LPAR1: variants seen among roughly 807,000 people sequenced by gnomAD.
LPAR1 encodes LPA receptor 1.
Under a neutral mutation model 23.8 loss-of-function variants are expected in LPAR1, and 5 were observed. The observed-to-expected ratio is 0.21, with a 90% CI of 0.11 to 0.44. LPAR1 has a LOEUF of 0.44. Among genes scored for constraint, LPAR1 ranks in the 20% least tolerant of loss-of-function variants. LPAR1 has a pLI of 0.99. For missense variants in LPAR1, 311 were observed against 482.8 expected, an observed-to-expected ratio of 0.64 and a Z score of 3.33; for synonymous variants, 160 against 164.7, an observed-to-expected ratio of 0.97 and a Z score of 0.22.
chr9:110,902,044 G>T (rs2089319020), intron 5 of LPAR1, among the ~76,000 whole-genome samples: 1 of 152,048 alleles, frequency 6.6e-6, no homozygotes, highest in Middle Eastern at 3.4e-3. Flanking sequence ...AACTCCAAAA[G>T]GTGAAATGGT....
chr9:110,933,979 A>T (rs898886738), intron 5 of LPAR1, among the ~76,000 whole-genome samples: 2 of 152,194 alleles, frequency 1.3e-5, no homozygotes, highest in Admixed American at 1.3e-4. Context: ...CAAGCCCAGG[A>T]TGTGGGGTCT....
At chr9:111,005,057 A>C (rs2097189032) in intron 2 of LPAR1, among the ~76,000 whole-genome samples, 1 of 151,686 alleles carries the variant, frequency 6.6e-6, no homozygotes, top group Non-Finnish European at 1.5e-5. Context: ...AGGTACTCAA[A>C]AGGCTAAAGC....
chr9:110,963,459 C>G (rs1255846241), intron 4 of LPAR1, among the ~76,000 whole-genome samples: 1 of 152,110 alleles, frequency 6.6e-6, no homozygotes, highest in African/African-American at 2.4e-5. Flanking sequence ...TCCAACGTGG[C>G]CTTCCTTTGA....
chr9:110,970,318 T>C (rs1352371209), intron 4 of LPAR1, among the ~76,000 whole-genome samples: 1 of 152,120 alleles, frequency 6.6e-6, no homozygotes, highest in Non-Finnish European at 1.5e-5. Flanking sequence ...GACTTTGAAA[T>C]GGTGACCTCA....
At chr9:111,034,416 A>T (rs77260329) in intron 2 of LPAR1, among the ~76,000 whole-genome samples, 1 of 152,150 alleles carries the variant, frequency 6.6e-6, no homozygotes, top group African/African-American at 2.4e-5. Flanking sequence ...GGGAAAAAAA[A>T]TGTTTTCTTG....
chr9:110,893,235 T>C (rs1252570009), intron 5 of LPAR1, among the ~76,000 whole-genome samples: 1 of 152,344 alleles, frequency 6.6e-6, no homozygotes, highest in East Asian at 1.9e-4. Flanking sequence ...TACCTAACAA[T>C]TCCATTTTAG....
intron 4 of LPAR1, among the ~76,000 whole-genome samples, chr9:110,963,535 A>G (rs549083652): frequency 1.1e-3 from 161 of 152,300 alleles, no homozygotes; most frequent in African/African-American, 3.4e-3. Flanking sequence ...CCTGTAAAGA[A>G]CTTCCAGAAT....
Position 110,957,475 on chromosome 9 carries a change from C to T in LPAR1, c.45+14598G>A, listed in dbSNP as rs79899107. Among the ~76,000 whole-genome samples the T allele has an allele frequency of 8.9e-3, 1,355 of 151,876 alleles. 24 individuals carry two copies. The highest frequency in any genetic ancestry group is 0.031 in the African/African-American group (1,274 of 41,430). On this transcript the variant is annotated intron_variant, in intron 4 of 5. Coordinates refer to ENST00000683809, the MANE Select transcript of LPAR1 (RefSeq NM_001351411.2). ...AACACAATACATCATATTAACAGAACGAAGAATAAATACCATATGACCATC... is the reference window on the plus strand; with the variant it reads ...AACACAATACATCATATTAACAGAATGAAGAATAAATACCATATGACCATC...
intron 5 of LPAR1, among the ~76,000 whole-genome samples, chr9:110,924,247 A>AAC (rs2093845660): frequency 6.6e-6 from 1 of 151,626 alleles, no homozygotes; most frequent in Non-Finnish European, 1.5e-5. Flanking sequence ...GCAAAAAAAA[A>AAC]AAAGAAAACG....
rs146902452 is a variant in LPAR1, at chr9:110,938,118, C to A, written c.793+3303G>T. Among the ~76,000 whole-genome samples the A allele has an allele frequency of 2.0e-5, 3 of 152,272 alleles. No homozygotes were observed. In the East Asian group the frequency reaches 5.8e-4, roughly 29 times the overall value. The stretch of plus-strand genomic sequence containing the variant: ...GACTACCTACTTTGTACCAGATAGC[C>A]GTGACAGGCAATGTGGCAACGTGGA... On this transcript the variant is annotated intron_variant, in intron 5 of 5. Transcript: ENST00000683809.
At position 111,031,393 on chromosome 9, in the gene LPAR1, T is replaced by TAA. The variant is rs56906013; in HGVS notation, c.-182+4727_-182+4728dup. Among the ~76,000 whole-genome samples, 734 of 103,678 alleles carry TAA rather than the reference T, an allele frequency of 7.1e-3. 2 individuals carry two copies. Among genetic ancestry groups the TAA allele is most frequent in the African/African-American group, 0.023 (627 of 26,982 alleles). The allele number at this position is 103,678 out of a possible 152,430, so 68.0% of individuals were successfully genotyped here. A position where few individuals can be genotyped will look rare whatever the true frequency, so the allele number is the denominator to read the frequency against. On this transcript the variant is annotated intron_variant, in intron 2 of 5. Transcript: ENST00000683809. ...GTAATGTAGTGAGAGCCCATTTCTT[T>TAA]AAAAAAAAAAAAAGAAAAAAAAAAA...
intron 2 of LPAR1, among the ~76,000 whole-genome samples, chr9:111,009,936 GT>G (rs1205723213): frequency 6.9e-6 from 1 of 144,340 alleles, no homozygotes; most frequent in Non-Finnish European, 1.5e-5. Flanking sequence ...ATTCTCATTT[GT>G]TTTTGTTGTT....
intron 2 of LPAR1, among the ~76,000 whole-genome samples, chr9:110,981,396 G>C (rs2096663492): frequency 6.6e-6 from 1 of 151,996 alleles, no homozygotes; most frequent in African/African-American, 2.4e-5. Flanking sequence ...TATAATAATA[G>C]TAAGGCTGCC....
In LPAR1 at chr9:110,942,052, T is replaced by A; in HGVS notation, c.162A>T (p.Gly54=). The A allele has an allele frequency of 6.2e-7, 1 of 1,614,158 alleles. No homozygotes were observed. The highest frequency in any genetic ancestry group is 8.5e-7 in the Non-Finnish European group (1 of 1,180,014). Residue 54 remains glycine, a synonymous_variant, in exon 5 of 6, where the codon GGA becomes GGT. Coordinates refer to ENST00000683809, the MANE Select transcript of LPAR1 (RefSeq NM_001351411.2). ...EWNTVSKLVM[G]LGITVCIFIM... ...TGAAGATACAAACAGTGATTCCAAG[T>A]CCCATCACCAGCTTGCTGACTGTGT...
At chr9:110,906,145 TA>T (rs1241743564) in intron 5 of LPAR1, among the ~76,000 whole-genome samples, 1 of 151,966 alleles carries the variant, frequency 6.6e-6, no homozygotes, top group African/African-American at 2.4e-5. Flanking sequence ...ATGGACAAGA[TA>T]GATGTTACCT....
chr9:111,022,241 A>AT (rs2097573391), intron 2 of LPAR1, among the ~76,000 whole-genome samples: 1 of 152,190 alleles, frequency 6.6e-6, no homozygotes, highest in Non-Finnish European at 1.5e-5. Context: ...CTTAATACTA[A>AT]TAATAGGACT....
chr9:110,945,378 C>T (rs1446351419), intron 4 of LPAR1: 6 of 152,032 alleles, frequency 3.9e-5, no homozygotes, highest in South Asian at 2.1e-4. Flanking sequence ...ACTTATCTCT[C>T]GCCAAAGAAG....
At chr9:110,919,985 GAGCACAGAATC>G (rs2093505777) in intron 5 of LPAR1, among the ~76,000 whole-genome samples, 1 of 152,152 alleles carries the variant, frequency 6.6e-6, no homozygotes, top group Admixed American at 6.5e-5. Context: ...ATCACCAAAT[GAGCACAGAATC>G]AGCAAACTTT....
chr9:110,995,894 T>C lies in LPAR1; in HGVS notation c.-181-22336A>G, dbSNP rs142234676. Among the ~76,000 whole-genome samples the C allele has an allele frequency of 4.1e-4, 62 of 152,310 alleles. 2 individuals carry two copies. The highest frequency in any genetic ancestry group is 8.2e-4 in the Non-Finnish European group (56 of 68,032). ...TGTTATGAAAGGGTTTAAAATATAATAGCGGACACTTTTAAAAATAATGGC... is the reference window on the plus strand; with the variant it reads ...TGTTATGAAAGGGTTTAAAATATAACAGCGGACACTTTTAAAAATAATGGC... On this transcript the variant is annotated intron_variant, in intron 2 of 5. Transcript: ENST00000683809.
Sources: allele counts gnomAD v4.1 joint callset (sites outside exome capture counted in the v4.1 genomes callset), GRCh38; gene constraint gnomAD v4.1.1; transcripts MANE v1.5; gene names NCBI Gene and HGNC (gene_info 2026-07-23, HGNC 2026-07-21).